Variants in GLG1 observed in about 807,000 individuals in gnomAD.
GLG1 encodes Golgi apparatus protein 1.
Under a neutral mutation model 160.5 loss-of-function variants are expected in GLG1, and 38 were observed. The ratio of observed to expected loss-of-function variants is 0.24; its 90% CI spans 0.18 to 0.31. The LOEUF is 0.31. Among genes scored for constraint, GLG1 ranks in the 10% least tolerant of loss-of-function variants. GLG1 has a pLI of 1.00. For synonymous variants in GLG1, 644 were observed against 543.4 expected, an observed-to-expected ratio of 1.19 and a Z score of -2.57; for missense variants, 1,373 against 1,505.2, an observed-to-expected ratio of 0.91 and a Z score of 1.45.
chr16:74,484,662 G>A (rs890565422), intron 9 of GLG1, among the ~76,000 whole-genome samples: 2 of 152,184 alleles, frequency 1.3e-5, no homozygotes, highest in Admixed American at 6.5e-5. Flanking sequence ...TCGGGAGGCT[G>A]AGCCAGGAGA....
intron 1 of GLG1, among the ~76,000 whole-genome samples, chr16:74,547,255 T>C (rs1483857239): frequency 1.5e-4 from 22 of 151,158 alleles, no homozygotes; most frequent in Admixed American, 1.3e-3. Context: ...CAATAACTTA[T>C]TTAATACAAT....
intron 1 of GLG1, among the ~76,000 whole-genome samples, chr16:74,572,512 C>CAA (rs1212497736): frequency 6.6e-4 from 37 of 56,144 alleles, no homozygotes; most frequent in South Asian, 2.2e-3. Context: ...GACTCTGTCT[C>CAA]AAAAAAAAAA....
Position 74,551,465 on chromosome 16 carries a change from T to C in GLG1, c.439-19312A>G, listed in dbSNP as rs1325114553. 1.0e-4 allele frequency among the ~76,000 whole-genome samples: 9 copies of C among 88,246 alleles called. No individual in the cohort carries two copies. In the East Asian group the frequency reaches 3.2e-3, roughly 32 times the overall value. The allele number at this position is 88,246 out of a possible 152,430, so 57.9% of individuals were successfully genotyped here. ...GACCACAGGCGCACACCACCATGTC[T>C]GGCTATTTTTTTTTTTTTTTTTTTA... On this transcript the variant is annotated intron_variant, in intron 1 of 25. Coordinates refer to ENST00000422840, the MANE Select transcript of GLG1 (RefSeq NM_001145667.2).
intron 1 of GLG1, among the ~76,000 whole-genome samples, 191 bp downstream of exon 1, chr16:74,606,466 G>A (rs1476721477): frequency 6.6e-6 from 1 of 152,174 alleles, no homozygotes; most frequent in Non-Finnish European, 1.5e-5. Flanking sequence ...ATAAGGGCGG[G>A]GGAAAGAAGG....
At chr16:74,462,866 G>A (rs1301531702) in intron 20 of GLG1, 2 of 546,290 alleles carry the variant, frequency 3.7e-6, no homozygotes, top group African/African-American at 3.8e-5. Flanking sequence ...GGGGTTTTGT[G>A]CAGACTCCAA....
chr16:74,518,498 T>C lies in GLG1; in HGVS notation c.472-9573A>G, dbSNP rs556712280. Reference sequence around the variant, plus strand: ...GTGTTGGGAAAACTGGCTAGCCATATGCAGAAAACTGAAACTGGACCCGTT... The same window carrying C: ...GTGTTGGGAAAACTGGCTAGCCATACGCAGAAAACTGAAACTGGACCCGTT... On this transcript the variant is annotated intron_variant, in intron 2 of 25. Coordinates refer to ENST00000422840, the MANE Select transcript of GLG1 (RefSeq NM_001145667.2). Among the ~76,000 whole-genome samples the C allele has an allele frequency of 1.4e-4, 21 of 152,328 alleles. No individual in the cohort carries two copies. In the South Asian group the frequency reaches 4.1e-3, roughly 30 times the overall value.
At chr16:74,478,385 G>A (rs2015469246) in intron 11 of GLG1, among the ~76,000 whole-genome samples, 1 of 152,112 alleles carries the variant, frequency 6.6e-6, no homozygotes, top group African/African-American at 2.4e-5. Context: ...GGTAAAGCAG[G>A]TGAAAACTAG....
At chr16:74,509,796 C>A (rs915736562) in intron 2 of GLG1, among the ~76,000 whole-genome samples, 1 of 150,972 alleles carries the variant, frequency 6.6e-6, no homozygotes, top group African/African-American at 2.4e-5. Flanking sequence ...TTGCAGTGAG[C>A]CGAGATAGCG....
At chr16:74,553,353 T>C (rs907769321) in intron 1 of GLG1, among the ~76,000 whole-genome samples, 4 of 152,120 alleles carry the variant, frequency 2.6e-5, no homozygotes, top group African/African-American at 9.7e-5. Context: ...CACACCACCA[T>C]GCTCGGCTAC....
chr16:74,526,196 C>T (rs1229981261), intron 2 of GLG1, among the ~76,000 whole-genome samples: 2 of 151,008 alleles, frequency 1.3e-5, no homozygotes, highest in African/African-American at 2.4e-5. Context: ...ATTGTACTCT[C>T]CAAGGGAGAA....
intron 1 of GLG1, among the ~76,000 whole-genome samples, chr16:74,577,190 T>C (rs113173781): frequency 0.13 from 19,282 of 152,082 alleles, 1,682 homozygotes; most frequent in Admixed American, 0.24. Flanking sequence ...CCTCCCAAAG[T>C]GCTGCAAATA....
intron 1 of GLG1, among the ~76,000 whole-genome samples, chr16:74,559,921 GCA>G (rs1433196452): frequency 3.3e-5 from 5 of 152,210 alleles, no homozygotes; most frequent in Non-Finnish European, 1.5e-5. Context: ...TGAGAAGACA[GCA>G]CACAGAGTTC....
At chr16:74,490,212 T>C (rs908974786) in intron 8 of GLG1, among the ~76,000 whole-genome samples, 5 of 152,196 alleles carry the variant, frequency 3.3e-5, no homozygotes, top group African/African-American at 1.2e-4. Flanking sequence ...GAAAGGGATG[T>C]ACTAAATCTC....
intron 1 of GLG1, among the ~76,000 whole-genome samples, chr16:74,570,241 C>T (rs2143776631): frequency 6.6e-6 from 1 of 152,266 alleles, no homozygotes; most frequent in South Asian, 2.1e-4. Flanking sequence ...TTCACCATTT[C>T]TCCAGCTGTC....
chr16:74,468,692 T>G, intron 17 of GLG1: 3 of 466,466 alleles, frequency 6.4e-6, no homozygotes, highest in Non-Finnish European at 1.2e-5. Context: ...GATCCAGTGA[T>G]TGGATCACAT....
intron 1 of GLG1, among the ~76,000 whole-genome samples, chr16:74,583,196 G>C (rs1166270980): frequency 1.3e-5 from 2 of 152,108 alleles, no homozygotes; most frequent in Non-Finnish European, 2.9e-5. Context: ...CTTTAAGAGG[G>C]CTTGGCCATT....
chr16:74,542,711 A>AGGG (rs1567513806), intron 1 of GLG1, among the ~76,000 whole-genome samples: 3 of 18,356 alleles, frequency 1.6e-4, no homozygotes, highest in African/African-American at 8.0e-4. Context: ...GGAGGAAGGG[A>AGGG]AGAAGGGAAG....
intron 9 of GLG1, among the ~76,000 whole-genome samples, chr16:74,483,906 G>A (rs1399036225): frequency 4.6e-5 from 7 of 151,990 alleles, no homozygotes; most frequent in Non-Finnish European, 8.8e-5. Context: ...TGATCTGCCC[G>A]CCTCGGCCTC....
intron 3 of GLG1, among the ~76,000 whole-genome samples, chr16:74,505,016 G>A (rs899061061): frequency 3.3e-5 from 5 of 152,222 alleles, no homozygotes; most frequent in Admixed American, 3.3e-4. Context: ...CTGACAAGAG[G>A]AAGGAGTTAA....
Sources: allele counts gnomAD v4.1 joint callset (sites outside exome capture counted in the v4.1 genomes callset), GRCh38; gene constraint gnomAD v4.1.1; transcripts MANE v1.5; gene names NCBI Gene and HGNC (gene_info 2026-07-23, HGNC 2026-07-21).